PICALM: variants seen among roughly 807,000 people sequenced by gnomAD.
The protein encoded by PICALM is phosphatidylinositol-binding clathrin assembly protein.
A neutral mutation model predicts 80.5 loss-of-function variants in PICALM; 40 were observed. That is an observed-to-expected ratio of 0.50 (90% CI 0.39 to 0.65). PICALM has a LOEUF of 0.65. PICALM is among the 30% of genes least tolerant of loss of function. PICALM has a pLI of 0.00. For missense variants in PICALM, 676 were observed against 778.9 expected, an observed-to-expected ratio of 0.87 and a Z score of 1.57; for synonymous variants, 288 against 260.3, an observed-to-expected ratio of 1.11 and a Z score of -1.02.
intron 1 of PICALM, among the ~76,000 whole-genome samples, chr11:86,046,884 C>G (rs2096080600): frequency 6.6e-6 from 1 of 152,210 alleles, no homozygotes; most frequent in African/African-American, 2.4e-5. Flanking sequence ...GTGATCCTCC[C>G]ACTTTGGCCT....
intron 1 of PICALM, among the ~76,000 whole-genome samples, chr11:86,061,263 A>G (rs1279077150): frequency 2.0e-5 from 3 of 148,504 alleles, no homozygotes; most frequent in Non-Finnish European, 4.5e-5. Flanking sequence ...CCTGGGAGAC[A>G]GAGCTTACAG....
At chr11:85,976,543 T>C in intron 18 of PICALM, 80 bp downstream of exon 18, 2 of 887,406 alleles carry the variant, frequency 2.3e-6, no homozygotes. Flanking sequence ...CTAAATTCTT[T>C]TTTAGGTTAA....
chr11:85,993,745 A>G (rs1280141731), intron 12 of PICALM, among the ~76,000 whole-genome samples: 1 of 152,044 alleles, frequency 6.6e-6, no homozygotes, highest in Non-Finnish European at 1.5e-5. Flanking sequence ...CTGGCGCAAA[A>G]GTTTAATTTT....
chr11:86,032,180 C>CT (rs1463542288), intron 1 of PICALM, among the ~76,000 whole-genome samples: 2 of 152,144 alleles, frequency 1.3e-5, no homozygotes, highest in African/African-American at 4.8e-5. Flanking sequence ...TATACTCCTT[C>CT]TCTCCCCTCT....
chr11:85,995,190 A>C (rs1160768901), intron 12 of PICALM, among the ~76,000 whole-genome samples: 2 of 152,240 alleles, frequency 1.3e-5, no homozygotes, highest in Non-Finnish European at 2.9e-5. Flanking sequence ...TCACCAACTC[A>C]GAAGCCAAAT....
chr11:86,037,159 T>C (rs1327624753), intron 1 of PICALM, among the ~76,000 whole-genome samples: 2 of 149,454 alleles, frequency 1.3e-5, no homozygotes, highest in East Asian at 3.9e-4. Flanking sequence ...TTGGCCAGGA[T>C]GGTCTCAATC....
rs59672357 is a variant in PICALM at position 85,982,423 on chromosome 11, C to CTTTTTTTTTTTTTTTTTTTT, written c.1517-421_1517-420insAAAAAAAAAAAAAAAAAAAA. The stretch of plus-strand genomic sequence containing the variant: ...ACGTTAAGAAATAAGATTTTATAGA[C>CTTTTTTTTTTTTTTTTTTTT]TTTTTTTTTTTTTTTGAGACGGAGT... On this transcript the variant is annotated intron_variant, in intron 14 of 19. Coordinates refer to ENST00000393346, the MANE Select transcript of PICALM (RefSeq NM_007166.4). 2.7e-4 allele frequency among the ~76,000 whole-genome samples: 19 copies of CTTTTTTTTTTTTTTTTTTTT among 70,172 alleles called. 3 individuals are homozygous for CTTTTTTTTTTTTTTTTTTTT. Among genetic ancestry groups the CTTTTTTTTTTTTTTTTTTTT allele is most frequent in the Admixed American group, 3.5e-4 (2 of 5,752 alleles). 46.0% of individuals were successfully genotyped at this position (70,172 alleles called of 152,430 possible). A position where few individuals can be genotyped will look rare whatever the true frequency, so the allele number is the denominator to read the frequency against.
At chr11:86,025,186 G>C (rs2095629959) in intron 3 of PICALM, among the ~76,000 whole-genome samples, 1 of 152,154 alleles carries the variant, frequency 6.6e-6, no homozygotes, top group Admixed American at 6.5e-5. Flanking sequence ...CAGATCATGA[G>C]GTCAAGAGAT....
At chr11:86,057,109 T>G (rs1025460887) in intron 1 of PICALM, among the ~76,000 whole-genome samples, 1 of 152,160 alleles carries the variant, frequency 6.6e-6, no homozygotes, top group Non-Finnish European at 1.5e-5. Flanking sequence ...CACAACACTG[T>G]GAACATACTA....
chr11:85,973,820 CAT>C (rs1457169666), intron 19 of PICALM, among the ~76,000 whole-genome samples: 1 of 152,202 alleles, frequency 6.6e-6, no homozygotes, highest in Non-Finnish European at 1.5e-5. Context: ...GCATTAAACA[CAT>C]AACCAATCAG....
intron 12 of PICALM, among the ~76,000 whole-genome samples, chr11:85,990,601 G>GA (rs1247401422): frequency 2.6e-5 from 4 of 152,106 alleles, no homozygotes; most frequent in Admixed American, 2.0e-4. Flanking sequence ...TGAATCCTTA[G>GA]AAAAAATCCT....
At chr11:86,013,153 A>C (rs778319749) in intron 5 of PICALM, among the ~76,000 whole-genome samples, 7 of 152,018 alleles carry the variant, frequency 4.6e-5, no homozygotes, top group Non-Finnish European at 1.0e-4. Context: ...CAAAAAACTA[A>C]AACCAAGAAA....
chr11:85,970,380 G>C (rs1030734900), intron 19 of PICALM, among the ~76,000 whole-genome samples: 5 of 152,198 alleles, frequency 3.3e-5, no homozygotes, highest in African/African-American at 1.2e-4. Flanking sequence ...GATACTTATT[G>C]AGAATTGTAA....
intron 4 of PICALM, among the ~76,000 whole-genome samples, chr11:86,018,510 T>C (rs1206205342): frequency 6.6e-6 from 1 of 152,090 alleles, no homozygotes. Flanking sequence ...AAAAGGATGG[T>C]CAATCCACTG....
chr11:86,018,996 T>C (rs887760086), intron 4 of PICALM, among the ~76,000 whole-genome samples: 2 of 152,100 alleles, frequency 1.3e-5, no homozygotes, highest in South Asian at 4.1e-4. Context: ...CTGATCCAAT[T>C]TTTATGTAAT....
chr11:85,981,064 T>C, intron 17 of PICALM, 65 bp downstream of exon 17: 2 of 801,866 alleles, frequency 2.5e-6, no homozygotes, highest in East Asian at 2.5e-5. Context: ...TTTAAAAACA[T>C]TTTCATGTTA....
intron 13 of PICALM, among the ~76,000 whole-genome samples, chr11:85,986,202 T>C (rs2094565713): frequency 6.6e-6 from 1 of 152,000 alleles, no homozygotes. Flanking sequence ...GTCACACAGT[T>C]ATCAGGGAGG....
chr11:86,004,617 T>A (rs1314818935), intron 8 of PICALM, among the ~76,000 whole-genome samples: 1 of 152,132 alleles, frequency 6.6e-6, no homozygotes, highest in African/African-American at 2.4e-5. Flanking sequence ...GTGTGCAGAC[T>A]AAGAACTGTC....
At chr11:85,977,962 A>T in intron 17 of PICALM, 2 of 822,428 alleles carry the variant, frequency 2.4e-6, no homozygotes, top group Non-Finnish European at 4.2e-6. Flanking sequence ...GCACATTGAA[A>T]ATCTGAATGT....
Sources: allele counts gnomAD v4.1 joint callset (sites outside exome capture counted in the v4.1 genomes callset), GRCh38; gene constraint gnomAD v4.1.1; transcripts MANE v1.5; gene names NCBI Gene and HGNC (gene_info 2026-07-23, HGNC 2026-07-21).